GUCY2F: variants seen among roughly 807,000 people sequenced by gnomAD.
GUCY2F encodes the protein guanylate cyclase 2F, retinal, also known as retinal guanylyl cyclase 2.
In GUCY2F, 61 loss-of-function variants were observed where a neutral mutation model predicts 73.1. That is an observed-to-expected ratio of 0.83 (90% CI 0.68 to 1.03). GUCY2F has a LOEUF of 1.03. Ranked by LOEUF, GUCY2F falls within the 50% of genes least tolerant of loss-of-function variation. The pLI, the probability that GUCY2F is intolerant of heterozygous loss-of-function variation, is 0.00. For synonymous variants in GUCY2F, 331 were observed against 307.8 expected (o/e 1.08, Z -0.79); for missense variants, 912 against 854.3 (o/e 1.07, Z -0.84).
At chrX:109,408,875 A>G (rs778422607) in intron 9 of GUCY2F, 117 bp downstream of exon 9, 1 of 482,218 alleles carries the variant, frequency 2.1e-6, no homozygotes, top group Non-Finnish European at 3.6e-6. Context: ...AAAATGGACT[A>G]ATACAGAAAG....
At chrX:109,456,059 C>A (rs1197715604) in intron 3 of GUCY2F, among the ~76,000 whole-genome samples, 1 of 112,053 alleles carries the variant, frequency 8.9e-6, no homozygotes, top group Admixed American at 9.5e-5. Flanking sequence ...GGTTTTATTC[C>A]AATGATCTTC....
At chrX:109,441,277 G>A (rs771771581) in intron 7 of GUCY2F, 74 bp downstream of exon 7, 37 of 643,443 alleles carry the variant, frequency 5.8e-5, no homozygotes, top group Non-Finnish European at 8.1e-5. Context: ...TTTACCCAAA[G>A]ACTAATTACT....
chrX:109,481,364 C>T (rs2300109), intron 1 of GUCY2F, among the ~76,000 whole-genome samples: 30,294 of 111,011 alleles, frequency 0.27, 4,043 homozygotes, highest in East Asian at 0.79. Context: ...CCATGGAAAG[C>T]GGCTAGAGCA....
intron 8 of GUCY2F, among the ~76,000 whole-genome samples, chrX:109,414,646 G>T (rs1225248450): frequency 8.9e-6 from 1 of 112,319 alleles, no homozygotes; most frequent in South Asian, 3.7e-4. Context: ...ACTCTGACAA[G>T]TCCTATGGAG....
intron 2 of GUCY2F, among the ~76,000 whole-genome samples, chrX:109,470,337 T>C (rs1373886360): frequency 8.9e-6 from 1 of 112,042 alleles, no homozygotes; most frequent in Non-Finnish European, 1.9e-5. Flanking sequence ...TTGCCATTTA[T>C]ATTTACTTAC....
At chrX:109,440,502 G>A (rs186266810) in intron 7 of GUCY2F, among the ~76,000 whole-genome samples, 1 of 112,063 alleles carries the variant, frequency 8.9e-6, no homozygotes, top group Admixed American at 9.4e-5. Context: ...AAAATCCAAT[G>A]TGGTTGACAA....
At chrX:109,476,885 A>T (rs760795416) in intron 1 of GUCY2F, among the ~76,000 whole-genome samples, 61 of 110,629 alleles carry the variant, frequency 5.5e-4, no homozygotes, top group Non-Finnish European at 5.3e-4. Context: ...ATATATATGG[A>T]TTCTTAGAAT....
rs760198977 is a variant in GUCY2F, at chrX:109,434,260, G to C, written c.1702-3864C>G. Reference sequence around the variant, plus strand: ...CATCTCACCCAGACTGTAACTATTAGAGCAGATCCTGACATGTCCCCACTG... The same window carrying C: ...CATCTCACCCAGACTGTAACTATTACAGCAGATCCTGACATGTCCCCACTG... On this transcript the variant is annotated intron_variant, in intron 7 of 19. Coordinates refer to ENST00000218006, the MANE Select transcript of GUCY2F (RefSeq NM_001522.3). Among the ~76,000 whole-genome samples, 60 of 110,615 alleles carry C rather than the reference G, an allele frequency of 5.4e-4. 1 individual carries two copies. The highest frequency in any genetic ancestry group is 3.0e-3 in the Admixed American group (31 of 10,313).
At chrX:109,476,771 T>TAGATAGAC (rs1556048504) in intron 1 of GUCY2F, among the ~76,000 whole-genome samples, 15 of 95,165 alleles carry the variant, frequency 1.6e-4, no homozygotes, top group East Asian at 3.3e-4. Flanking sequence ...GATAGATAGA[T>TAGATAGAC]AGACAGACTA....
intron 7 of GUCY2F, among the ~76,000 whole-genome samples, chrX:109,434,391 C>G (rs1029952357): frequency 4.6e-5 from 5 of 109,306 alleles, no homozygotes; most frequent in African/African-American, 1.7e-4. Context: ...CCACACAATT[C>G]CAAAGGTTAT....
intron 8 of GUCY2F, among the ~76,000 whole-genome samples, chrX:109,414,424 T>C (rs114952356): frequency 0.018 from 2,015 of 112,213 alleles, 44 homozygotes; most frequent in African/African-American, 0.062. Flanking sequence ...CAGAAGTCAA[T>C]GGTCATATAG....
intron 17 of GUCY2F, among the ~76,000 whole-genome samples, chrX:109,380,300 T>G (rs1930272003): frequency 8.9e-6 from 1 of 111,742 alleles, no homozygotes; most frequent in African/African-American, 3.3e-5. Context: ...TCAGAATTTC[T>G]GAAGTGTGCT....
intron 1 of GUCY2F, among the ~76,000 whole-genome samples, chrX:109,477,462 A>G (rs1932721166): frequency 1.8e-5 from 2 of 112,117 alleles, no homozygotes; most frequent in Admixed American, 1.9e-4. Context: ...GGAAAAAAAT[A>G]GAAAGCTGAA....
intron 9 of GUCY2F, among the ~76,000 whole-genome samples, chrX:109,404,819 C>T (rs1930937158): frequency 8.9e-6 from 1 of 112,283 alleles, no homozygotes; most frequent in Admixed American, 9.4e-5. Flanking sequence ...TTCTAACCCA[C>T]TCTCACCCAT....
At chrX:109,395,240 A>G (rs1400150896) in intron 12 of GUCY2F, 101 bp downstream of exon 12, 1 of 709,027 alleles carries the variant, frequency 1.4e-6, no homozygotes, top group African/African-American at 2.1e-5. Context: ...TACCCCTTGC[A>G]AGAGGTTCCT....
At chrX:109,390,886 T>C (rs897289044) in intron 14 of GUCY2F, among the ~76,000 whole-genome samples, 2 of 112,702 alleles carry the variant, frequency 1.8e-5, no homozygotes, top group African/African-American at 6.4e-5. Context: ...TGGCTTGGCC[T>C]AGCCCTGAGG....
chrX:109,453,922 T>C (rs1365217145), intron 3 of GUCY2F, 63 bp from the exon 4 acceptor site: 3 of 607,403 alleles, frequency 4.9e-6, no homozygotes, highest in Non-Finnish European at 7.6e-6. Context: ...CAGAGTATAT[T>C]CCAAGCCTGT....
At chrX:109,437,305 C>T (rs1931774410) in intron 7 of GUCY2F, among the ~76,000 whole-genome samples, 2 of 112,303 alleles carry the variant, frequency 1.8e-5, no homozygotes, top group South Asian at 3.7e-4. Context: ...TTGGCCTACA[C>T]GATTTGGCCT....
chrX:109,478,349 CT>C (rs769836207), intron 1 of GUCY2F, among the ~76,000 whole-genome samples: 8 of 112,276 alleles, frequency 7.1e-5, no homozygotes, highest in Non-Finnish European at 1.1e-4. Flanking sequence ...AGCCACTCAT[CT>C]GGAGTAATAT....
Sources: gnomAD v4.1 joint callset for allele counts (sites outside exome capture counted in the v4.1 genomes callset) on GRCh38, gnomAD v4.1.1 for gene constraint, MANE v1.5 for transcripts, NCBI Gene and HGNC (gene_info 2026-07-23, HGNC 2026-07-21) for gene names.